The following THADA variants were observed in gnomAD, a reference collection of about 807,000 sequenced individuals.
The protein encoded by THADA is THADA armadillo repeat containing.
In THADA, 213 loss-of-function variants were observed where a neutral mutation model predicts 219.8. The observed-to-expected ratio is 0.97, with a 90% CI of 0.87 to 1.09. The LOEUF is 1.09. Among genes scored for constraint, THADA ranks in the 50% least tolerant of loss-of-function variants. The pLI, the probability that THADA is intolerant of heterozygous loss-of-function variation, is 0.00. For synonymous variants in THADA, 1,018 were observed against 828.9 expected, an observed-to-expected ratio of 1.23 and a Z score of -3.92; for missense variants, 2,956 against 2,311.3, an observed-to-expected ratio of 1.28 and a Z score of -5.72.
At chr2:43,324,558 A>T (rs1224267672) in intron 30 of THADA, among the ~76,000 whole-genome samples, 1 of 152,262 alleles carries the variant, frequency 6.6e-6, no homozygotes, top group Non-Finnish European at 1.5e-5. Flanking sequence ...CCAAGGCCTT[A>T]TAACATCCCT....
At chr2:43,524,971 T>C (rs1403916955) in intron 22 of THADA, among the ~76,000 whole-genome samples, 2 of 152,166 alleles carry the variant, frequency 1.3e-5, no homozygotes, top group Non-Finnish European at 1.5e-5. Flanking sequence ...GCAATCTTAC[T>C]ATGATATTTT....
Position 43,401,939 on chromosome 2 carries a change from GT to G in THADA, c.4059-3801del, listed in dbSNP as rs527363037. On this transcript the variant is annotated intron_variant, in intron 28 of 37. Transcript: ENST00000405975. The stretch of plus-strand genomic sequence containing the variant: ...ATTTCTAAATGAGTGGTTTTTTGTT[GT>G]TTTTTTTTTTAAAAAAAATTTTAAG... Among the ~76,000 whole-genome samples, 47 of 139,572 alleles carry G rather than the reference GT, an allele frequency of 3.4e-4. 1 individual carries two copies. The highest frequency in any genetic ancestry group is 8.8e-4 in the African/African-American group (34 of 38,840). 91.6% of individuals were successfully genotyped at this position (139,572 alleles called of 152,430 possible). A position where few individuals can be genotyped will look rare whatever the true frequency, so the allele number is the denominator to read the frequency against.
chr2:43,391,657 T>G (rs375121181), intron 29 of THADA: 1 of 152,226 alleles, frequency 6.6e-6, no homozygotes, highest in East Asian at 1.9e-4. Context: ...AAGGCACACA[T>G]AGAAAGTAAT....
chr2:43,448,965 G>C (rs758861138), intron 26 of THADA, among the ~76,000 whole-genome samples: 6 of 152,112 alleles, frequency 3.9e-5, no homozygotes, highest in Non-Finnish European at 5.9e-5. Context: ...AATTCAAAGG[G>C]GGGGCGGGGA....
At chr2:43,398,755 G>A (rs1213432787) in intron 28 of THADA, among the ~76,000 whole-genome samples, 1 of 152,222 alleles carries the variant, frequency 6.6e-6, no homozygotes, top group Non-Finnish European at 1.5e-5. Context: ...AGATGTGTTT[G>A]AATAACGCAG....
Position 43,279,841 on chromosome 2 carries a change from C to A in THADA, c.5220G>T (p.Glu1740Asp). Residue 1740 changes from glutamate (E) to aspartate (D), a missense_variant, in exon 36 of 38, where the codon GAG becomes GAT. By Grantham distance (45) the Glu-to-Asp change is conservative. Transcript: ENST00000405975. ...WKCVLTLLQS[E>D]EQAVRDAATE... ...TGGCTGCATCTCTAACAGCTTGCTC[C>A]TCACTCTGCAGAAGGGTAAGGACAC... 6.4e-7 allele frequency: 1 copy of A among 1,567,320 alleles called. No homozygotes were observed. Among genetic ancestry groups the A allele is most frequent in the South Asian group, 1.2e-5 (1 of 84,028 alleles).
intron 31 of THADA, among the ~76,000 whole-genome samples, chr2:43,304,462 G>A (rs1294946301): frequency 2.6e-5 from 4 of 152,274 alleles, no homozygotes; most frequent in South Asian, 4.1e-4. Context: ...TCGTGCCACC[G>A]TGGAAGGTCA....
chr2:43,371,073 T>C (rs1003171554), intron 29 of THADA, among the ~76,000 whole-genome samples: 1 of 152,188 alleles, frequency 6.6e-6, no homozygotes, highest in African/African-American at 2.4e-5. Context: ...CAACATTTTC[T>C]TTTTCAGCCT....
intron 3 of THADA, among the ~76,000 whole-genome samples, chr2:43,591,694 T>C (rs1701589913): frequency 1.3e-5 from 2 of 152,210 alleles, no homozygotes; most frequent in Non-Finnish European, 2.9e-5. Context: ...TTAAAATTTA[T>C]CTCCACAAAA....
intron 36 of THADA, among the ~76,000 whole-genome samples, chr2:43,258,913 T>G (rs1221503085): frequency 6.6e-6 from 1 of 152,188 alleles, no homozygotes; most frequent in African/African-American, 2.4e-5. Context: ...ACAGTAACTC[T>G]ACACAGGGCT....
intron 35 of THADA, among the ~76,000 whole-genome samples, chr2:43,282,189 A>C (rs189995645): frequency 1.1e-3 from 172 of 152,348 alleles, no homozygotes; most frequent in African/African-American, 4.0e-3. Flanking sequence ...AATGTGCTGC[A>C]AAATGGTATT....
rs536184758 is a variant in THADA, at chr2:43,432,460, C to CT, written c.3837-2159dup. ...CTCTTGACAGGCATGGGTTCTTTAC[C>CT]TTTTTTTTTTTTTTACTATTATGAA... On this transcript the variant is annotated intron_variant, in intron 26 of 37. Transcript: ENST00000405975. Among the ~76,000 whole-genome samples, 578 of 141,330 alleles carry CT rather than the reference C, an allele frequency of 4.1e-3. 3 individuals are homozygous for CT. The highest frequency in any genetic ancestry group is 9.3e-3 in the African/African-American group (361 of 38,674). The allele number at this position is 141,330 out of a possible 152,430, so 92.7% of individuals were successfully genotyped here.
At chr2:43,493,645 C>T (rs905622505) in intron 25 of THADA, among the ~76,000 whole-genome samples, 1 of 152,128 alleles carries the variant, frequency 6.6e-6, no homozygotes, top group Non-Finnish European at 1.5e-5. Flanking sequence ...CTCCCCTAGT[C>T]ACTGAACATA....
chr2:43,416,844 C>T (rs1240365265), intron 28 of THADA, among the ~76,000 whole-genome samples: 1 of 152,132 alleles, frequency 6.6e-6, no homozygotes, highest in Non-Finnish European at 1.5e-5. Context: ...GTTACTTATC[C>T]ATTAAAGCAG....
At position 43,508,849 on chromosome 2, in the gene THADA, C is replaced by T. The variant is rs533889408; in HGVS notation, c.3375-69G>A. On this transcript the variant is annotated intron_variant, in intron 22 of 37. Transcript: ENST00000405975. ...GTTAAAAGTACAAACTATTGATGCA[C>T]ATTTACACTGTTAGTAAATAATAAA... The T allele has an allele frequency of 2.2e-4, 321 of 1,453,412 alleles. 3 individuals are homozygous for T. In the South Asian group the frequency reaches 3.6e-3, roughly 16 times the overall value. The allele number at this position is 1,453,412 out of a possible 1,614,324, so 90.0% of individuals were successfully genotyped here.
intron 29 of THADA, among the ~76,000 whole-genome samples, chr2:43,357,628 C>T (rs570753344): frequency 1.3e-5 from 2 of 152,092 alleles, no homozygotes; most frequent in Non-Finnish European, 2.9e-5. Flanking sequence ...ATGACCAATA[C>T]GGGACCAGTT....
At chr2:43,538,104 C>A (rs1300842130) in intron 21 of THADA, among the ~76,000 whole-genome samples, 1 of 152,072 alleles carries the variant, frequency 6.6e-6, no homozygotes, top group Non-Finnish European at 1.5e-5. Context: ...TAGGGAAATA[C>A]ATATAAACTT....
intron 14 of THADA, among the ~76,000 whole-genome samples, chr2:43,569,530 T>C (rs146055110): frequency 9.5e-4 from 145 of 152,334 alleles, no homozygotes; most frequent in African/African-American, 3.2e-3. Flanking sequence ...ATCTTCGTCA[T>C]TGAGATTTTA....
At position 43,573,041 on chromosome 2, in the gene THADA, A is replaced by G. The variant is rs753809733; in HGVS notation, c.1730-49T>C. 2.9e-6 allele frequency: 4 copies of G among 1,373,058 alleles called. No individual in the cohort carries two copies. The East Asian group carries it at 1.0e-4, about 35-fold the overall frequency. The allele number at this position is 1,373,058 out of a possible 1,614,324, so 85.1% of individuals were successfully genotyped here. A position where few individuals can be genotyped will look rare whatever the true frequency, so the allele number is the denominator to read the frequency against. ...ATTACTGTATTATGCAATGACTACT[A>G]TAATTATCAGCTGCTAATTTTCATG... is the stretch of plus-strand genomic sequence containing the variant. On this transcript the variant is annotated intron_variant, in intron 11 of 37. Coordinates refer to ENST00000405975, the MANE Select transcript of THADA (RefSeq NM_022065.5).
Sources: allele counts gnomAD v4.1 joint callset (sites outside exome capture counted in the v4.1 genomes callset), GRCh38; gene constraint gnomAD v4.1.1; transcripts MANE v1.5; gene names NCBI Gene and HGNC (gene_info 2026-07-23, HGNC 2026-07-21).